The following N4BP1 variants were observed in gnomAD, a reference collection of about 807,000 sequenced individuals.
N4BP1 encodes the protein NEDD4 binding protein 1, also known as NEDD4-binding protein 1.
N4BP1 carries 21 observed loss-of-function variants against 70.9 expected under a neutral mutation model. That is an observed-to-expected ratio of 0.30 (90% CI 0.21 to 0.43). The LOEUF (loss-of-function observed/expected upper bound fraction) is 0.43. Among genes scored for constraint, N4BP1 ranks in the 20% least tolerant of loss-of-function variants. The pLI, the probability that N4BP1 is intolerant of heterozygous loss-of-function variation, is 1.00. For missense variants in N4BP1, 936 were observed against 1,069.4 expected (o/e 0.88, Z 1.74); for synonymous variants, 387 against 394.6 (o/e 0.98, Z 0.23).
intron 1 of N4BP1, among the ~76,000 whole-genome samples, chr16:48,591,541 A>AT (rs1234684009): frequency 1.3e-5 from 2 of 151,906 alleles, no homozygotes; most frequent in African/African-American, 4.8e-5. Flanking sequence ...ATAATAAGAG[A>AT]TTTTTAAAAA....
At chr16:48,597,977 T>C (rs1029347285) in intron 1 of N4BP1, among the ~76,000 whole-genome samples, 2 of 152,120 alleles carry the variant, frequency 1.3e-5, no homozygotes, top group Non-Finnish European at 2.9e-5. Flanking sequence ...ACAAAGGTGG[T>C]TATTCCTGAG....
Position 48,610,128 on chromosome 16 carries a change from A to G in N4BP1, c.-156T>C, listed in dbSNP as rs1964662879. 4.8e-6 allele frequency: 1 copy of G among 210,264 alleles called. No homozygotes were observed. 13.0% of individuals were successfully genotyped at this position (210,264 alleles called of 1,614,324 possible). A position where few individuals can be genotyped will look rare whatever the true frequency, so the allele number is the denominator to read the frequency against. On this transcript the variant is annotated 5_prime_UTR_variant, in exon 1 of 7. Transcript: ENST00000262384. ...GCCGCCCGCCCTCAGGCCCGGCTAT[A>G]CCATCCCGCCACGACCGCAGCAGCT...
rs16946299 is a variant in N4BP1, at chr16:48,575,135, T to C, written c.199-12691A>G. Among the ~76,000 whole-genome samples the C allele has an allele frequency of 8.0e-3, 1,222 of 152,304 alleles. 19 individuals carry two copies. Among genetic ancestry groups the C allele is most frequent in the African/African-American group, 0.028 (1,184 of 41,570 alleles). ...CAACTTACTCTTCTGAAGTACTGAG[T>C]AGCAACAACGGATTATTATATTCGA... On this transcript the variant is annotated intron_variant, in intron 1 of 6. Transcript: ENST00000262384.
intron 3 of N4BP1, among the ~76,000 whole-genome samples, chr16:48,553,304 C>G (rs1184633202): frequency 6.6e-6 from 1 of 152,180 alleles, no homozygotes; most frequent in Non-Finnish European, 1.5e-5. Context: ...ATAATGAACT[C>G]TTAATATAAC....
intron 1 of N4BP1, among the ~76,000 whole-genome samples, chr16:48,563,249 G>A (rs377511990): frequency 1.5e-4 from 23 of 152,112 alleles, no homozygotes; most frequent in South Asian, 8.3e-4. Context: ...CAGCTACTTG[G>A]GAGGCTGAGA....
chr16:48,577,586 C>G lies in N4BP1; in HGVS notation c.199-15142G>C, dbSNP rs994751528. 4 of 213,074 alleles carry G rather than the reference C, an allele frequency of 1.9e-5. No individual in the cohort carries two copies. The East Asian group carries it at 4.2e-4, about 22-fold the overall frequency. 13.2% of individuals were successfully genotyped at this position (213,074 alleles called of 1,614,324 possible). ...ATGGAGACTCTGGTGTGGGTCTTGA[C>G]GAGGTGGTCAGTGAATTCCTCATAG... On this transcript the variant is annotated intron_variant, in intron 1 of 6. Coordinates refer to ENST00000262384, the MANE Select transcript of N4BP1 (RefSeq NM_153029.4).
rs781766300 is a variant in N4BP1 at position 48,543,121 on chromosome 16, G to A, written c.2474C>T (p.Pro825Leu). The A allele has an allele frequency of 5.0e-6, 8 of 1,610,626 alleles. No individual in the cohort carries two copies. The East Asian group carries it at 1.3e-4, about 27-fold the overall frequency. The change falls in exon 7 of 7, where the codon CCT becomes CTT. Residue 825 changes from proline to leucine, a missense_variant. This residue lies in a region of N4BP1 where 229 missense variants were observed against 343.5 expected (regional missense o/e 0.67). Transcript: ENST00000262384. ...IQGAPSSHWLPQQPHFPLLPA... is the reference protein window; with the variant it reads ...IQGAPSSHWLLQQPHFPLLPA... ...CAGCAGTGGGAAGTGGGGCTGCTGA[G>A]GGAGCCAGTGGCTTGAAGGGGCTCC...
Position 48,570,144 on chromosome 16 carries a change from G to C in N4BP1, c.199-7700C>G, listed in dbSNP as rs118113425. 3.7e-4 allele frequency among the ~76,000 whole-genome samples: 36 copies of C among 98,028 alleles called. No individual in the cohort carries two copies. In the East Asian group the frequency reaches 0.012, roughly 32 times the overall value. The allele number at this position is 98,028 out of a possible 152,430, so 64.3% of individuals were successfully genotyped here. Reference sequence around the variant, plus strand: ...GATTACTTGGGGCTGGGTTACATGAGAATAAAGAAGAAAAAAAAGGGGTGG... The same window carrying C: ...GATTACTTGGGGCTGGGTTACATGACAATAAAGAAGAAAAAAAAGGGGTGG... On this transcript the variant is annotated intron_variant, in intron 1 of 6. Coordinates refer to ENST00000262384, the MANE Select transcript of N4BP1 (RefSeq NM_153029.4).
Position 48,609,366 on chromosome 16 carries a change from A to C in N4BP1, c.198+409T>G, listed in dbSNP as rs568290807. Among the ~76,000 whole-genome samples, 4 of 152,236 alleles carry C rather than the reference A, an allele frequency of 2.6e-5. No individual in the cohort carries two copies. In the East Asian group the frequency reaches 7.7e-4, roughly 29 times the overall value. On this transcript the variant is annotated intron_variant, in intron 1 of 6. Coordinates refer to ENST00000262384, the MANE Select transcript of N4BP1 (RefSeq NM_153029.4). ...AGTAGTGGAGGCCCGGGACTGGGGG[A>C]TAAAGGCTTAGGTGGTGGACGAGGC...
chr16:48,578,519 C>CCCAA (rs1449995413), intron 1 of N4BP1: 1 of 152,276 alleles, frequency 6.6e-6, no homozygotes, highest in African/African-American at 2.4e-5. Flanking sequence ...CCATCCTTGG[C>CCCAA]CCAAGTTGCC....
intron 1 of N4BP1, among the ~76,000 whole-genome samples, chr16:48,577,281 T>C (rs1964107796): frequency 6.6e-6 from 1 of 152,162 alleles, no homozygotes; most frequent in South Asian, 2.1e-4. Flanking sequence ...TCTTCTGAGA[T>C]ACTTCCTACC....
intron 1 of N4BP1, among the ~76,000 whole-genome samples, chr16:48,588,281 CATACTATGTTTTCT>C (rs1394235836): frequency 6.8e-6 from 1 of 147,730 alleles, no homozygotes; most frequent in East Asian, 2.0e-4. Flanking sequence ...CTTTCAATGT[CATACTATGTTTTCT>C]TTTTTTTTTT....
Position 48,560,932 on chromosome 16 carries a change from A to G in N4BP1, c.1711T>C (p.Leu571=). The stretch of plus-strand genomic sequence containing the variant: ...GACCTTGCATCAGTAACCGAAGGTA[A>G]CAGCTGGGGCAGTGGCATTGGTGGA... ...LSPPMPLPQL[L]PSVTDARSAG... is the part of the protein sequence containing the mutation. Residue 571 remains leucine (L), a synonymous_variant, in exon 2 of 7, where the codon TTA becomes CTA. Transcript: ENST00000262384. 6.2e-7 allele frequency: 1 copy of G among 1,614,016 alleles called. No individual in the cohort carries two copies.
chr16:48,589,960 C>G (rs936671073), intron 1 of N4BP1, among the ~76,000 whole-genome samples: 2 of 152,132 alleles, frequency 1.3e-5, no homozygotes, highest in Non-Finnish European at 2.9e-5. Flanking sequence ...CTCGGAAAGA[C>G]CCCCTTCTTG....
chr16:48,590,929 T>C (rs1341257505), intron 1 of N4BP1, among the ~76,000 whole-genome samples: 1 of 152,108 alleles, frequency 6.6e-6, no homozygotes, highest in Non-Finnish European at 1.5e-5. Context: ...CCAGAAGATT[T>C]AGGGGAGATT....
chr16:48,561,086 T>C lies in N4BP1; in HGVS notation c.1557A>G (p.Pro519=). ...RGASSHQPRV[P]LFPENGLHQQ... ...GGTGTAAACCATTTTCAGGAAAAAG[T>C]GGAACTCTGGGCTGGTGACTTGAAG... The change falls in exon 2 of 7, where the codon CCA becomes CCG. Residue 519 remains proline (P), a synonymous_variant. Coordinates refer to ENST00000262384, the MANE Select transcript of N4BP1 (RefSeq NM_153029.4). The C allele has an allele frequency of 6.2e-7, 1 of 1,613,992 alleles. No homozygotes were observed. The highest frequency in any genetic ancestry group is 8.5e-7 in the Non-Finnish European group (1 of 1,179,876).
At chr16:48,564,666 T>C (rs1379394784) in intron 1 of N4BP1, among the ~76,000 whole-genome samples, 1 of 152,206 alleles carries the variant, frequency 6.6e-6, no homozygotes, top group East Asian at 1.9e-4. Context: ...ATACACATTT[T>C]AGAATAATTT....
chr16:48,551,704 A>G (rs902814480), intron 3 of N4BP1, among the ~76,000 whole-genome samples: 2 of 152,164 alleles, frequency 1.3e-5, no homozygotes, highest in African/African-American at 4.8e-5. Context: ...TTTTAAACAT[A>G]AGATTAAACT....
intron 2 of N4BP1, among the ~76,000 whole-genome samples, chr16:48,555,930 T>G (rs1411571168): frequency 6.6e-6 from 1 of 152,220 alleles, no homozygotes; most frequent in South Asian, 2.1e-4. Flanking sequence ...TGCTACCTAC[T>G]CTCCCTCTTT....
Sources: gnomAD v4.1 joint callset for allele counts (sites outside exome capture counted in the v4.1 genomes callset) on GRCh38, gnomAD v4.1.1 for gene constraint, gnomAD v4.1.1 regional missense constraint, MANE v1.5 for transcripts, NCBI Gene and HGNC (gene_info 2026-07-23, HGNC 2026-07-21) for gene names.